NOP9: variants seen among roughly 807,000 people sequenced by gnomAD.
NOP9 encodes NOP9 nucleolar protein.
NOP9 carries 50 observed loss-of-function variants against 63.0 expected under a neutral mutation model. The ratio of observed to expected loss-of-function variants is 0.79; its 90% CI spans 0.63 to 1.00. The LOEUF (loss-of-function observed/expected upper bound fraction) is 1.00, where lower values mean the gene tolerates loss of function less well. NOP9 is among the 50% of genes least tolerant of loss of function. NOP9 has a pLI of 0.00. For missense variants in NOP9, 758 were observed against 803.0 expected (o/e 0.94, Z 0.68); for synonymous variants, 343 against 332.8 (o/e 1.03, Z -0.33).
chr14:24,288,856 T>G, the NOP9 span, among the ~76,000 whole-genome samples: 1 of 152,124 alleles, frequency 6.6e-6, no homozygotes, highest in African/African-American at 2.4e-5. Flanking sequence ...TTGTTTTTTG[T>G]TTTTTTGAGA....
In NOP9 at chr14:24,305,333, A is replaced by G. The variant is rs2041463368; in HGVS notation, c.*238A>G. On this transcript the variant is annotated 3_prime_UTR_variant, in exon 10 of 10. Coordinates refer to ENST00000267425, the MANE Select transcript of NOP9 (RefSeq NM_174913.3). ...GGACAGGAGGCATTGGTAGGGGATT[A>G]GATGTAGCAGCAGTCAGGCTGGGAT... 3 of 558,334 alleles carry G rather than the reference A, an allele frequency of 5.4e-6. No homozygotes were observed. The highest frequency in any genetic ancestry group is 1.9e-5 in the African/African-American group (1 of 52,468). 34.6% of individuals were successfully genotyped at this position (558,334 alleles called of 1,614,324 possible).
chr14:24,307,171 C>G lies in NOP9; in HGVS notation c.*2076C>G. 1 of 535,290 alleles carries G rather than the reference C, an allele frequency of 1.9e-6. No individual in the cohort carries two copies. The highest frequency in any genetic ancestry group is 3.3e-6 in the Non-Finnish European group (1 of 303,390). The allele number at this position is 535,290 out of a possible 1,614,324, so 33.2% of individuals were successfully genotyped here. A position where few individuals can be genotyped will look rare whatever the true frequency, so the allele number is the denominator to read the frequency against. ...GAACTCTCCCTATCTCCTGCTAACC[C>G]CTGCTCCCATAGAAAAGCTCACTCG... is the stretch of plus-strand genomic sequence containing the variant. On this transcript the variant is annotated 3_prime_UTR_variant, in exon 10 of 10. Transcript: ENST00000267425.
the NOP9 span, among the ~76,000 whole-genome samples, chr14:24,277,999 A>G: frequency 6.6e-6 from 1 of 152,188 alleles, no homozygotes; most frequent in Non-Finnish European, 1.5e-5. Flanking sequence ...CAGTGATAGC[A>G]GAGTTGAAGC....
At chr14:24,301,916 G>T in intron 3 of NOP9, 49 bp from the exon 4 acceptor site, 1 of 1,585,004 alleles carries the variant, frequency 6.3e-7, no homozygotes, top group South Asian at 1.1e-5. Flanking sequence ...GGTTACGCAG[G>T]TTGTCTGGAT....
chr14:24,290,964 G>A, the NOP9 span: 1 of 1,614,114 alleles, frequency 6.2e-7, no homozygotes, highest in Non-Finnish European at 8.5e-7. Context: ...AGAGAACAGA[G>A]CTCAAAGACA....
At chr14:24,280,953 G>A in the NOP9 span, among the ~76,000 whole-genome samples, 1 of 152,282 alleles carries the variant, frequency 6.6e-6, no homozygotes. Context: ...GCACCGGGAG[G>A]GAGTGGACAG....
the NOP9 span, among the ~76,000 whole-genome samples, chr14:24,273,017 T>C: frequency 6.6e-6 from 1 of 152,246 alleles, no homozygotes; most frequent in African/African-American, 2.4e-5. Context: ...CTGTGCCTAC[T>C]GCAAAGAAGG....
chr14:24,275,977 C>T, the NOP9 span, among the ~76,000 whole-genome samples: 14 of 152,312 alleles, frequency 9.2e-5, no homozygotes, highest in African/African-American at 1.4e-4. Context: ...TCATCTAACA[C>T]GGTTGACAGT....
the NOP9 span, among the ~76,000 whole-genome samples, chr14:24,289,926 C>G: frequency 3.3e-5 from 5 of 152,232 alleles, no homozygotes; most frequent in Admixed American, 6.5e-5. Flanking sequence ...GAAGCCTCAG[C>G]TCTCACTCTG....
chr14:24,292,484 C>A, the NOP9 span: 1 of 1,479,092 alleles, frequency 6.8e-7, no homozygotes, highest in East Asian at 2.4e-5. Context: ...GATGCCTACT[C>A]TAGCCAACCA....
rs1410150927 is a variant in NOP9 at position 24,306,333 on chromosome 14, A to G, written c.*1238A>G. ...AGAGAGGAAGCCCGGGAAAGCTCTA[A>G]AGGACAGGCATTGGAAGCAGCCCCA... On this transcript the variant is annotated 3_prime_UTR_variant, in exon 10 of 10. Transcript: ENST00000267425. 56 of 1,613,012 alleles carry G rather than the reference A, an allele frequency of 3.5e-5. No homozygotes were observed. The highest frequency in any genetic ancestry group is 4.2e-5 in the Non-Finnish European group (50 of 1,179,226).
chr14:24,305,191 T>TG lies in NOP9; in HGVS notation c.*98dup. 1 of 1,197,926 alleles carries TG rather than the reference T, an allele frequency of 8.3e-7. No individual in the cohort carries two copies. The highest frequency in any genetic ancestry group is 1.1e-6 in the Non-Finnish European group (1 of 903,150). 74.2% of individuals were successfully genotyped at this position (1,197,926 alleles called of 1,614,324 possible). ...TTTAAATTGGAGTCAGAAGTCTTAGTGGTAAATATTTGATATTTTTATTGG... is the reference window on the plus strand; with the variant it reads ...TTTAAATTGGAGTCAGAAGTCTTAGTGGGTAAATATTTGATATTTTTATTGG... On this transcript the variant is annotated 3_prime_UTR_variant, in exon 10 of 10. Transcript: ENST00000267425.
intron 1 of NOP9, 94 bp from the exon 2 acceptor site, chr14:24,300,314 C>A (rs2041346866): frequency 1.3e-6 from 2 of 1,551,434 alleles, no homozygotes. Context: ...TGTCCTCTTC[C>A]TCGGCCTCCG....
At chr14:24,299,134 T>C, upstream of NOP9, 1 of 1,602,290 alleles carries the variant, frequency 6.2e-7, no homozygotes, top group Non-Finnish European at 8.5e-7. Context: ...GGCAGGTCTG[T>C]GGAAGCAAAG....
At position 24,307,879 on chromosome 14, in the gene NOP9, C is replaced by T. The variant is rs1478921001; in HGVS notation, c.*2784C>T. ...TCCATGGTGGACCGGAGAGTTCCTT[C>T]CCTGGAACTTCTGGGCTGGGTGGTT... On this transcript the variant is annotated 3_prime_UTR_variant, in exon 10 of 10. Coordinates refer to ENST00000267425, the MANE Select transcript of NOP9 (RefSeq NM_174913.3). The T allele has an allele frequency of 1.9e-6, 3 of 1,577,282 alleles. No individual in the cohort carries two copies. The highest frequency in any genetic ancestry group is 2.6e-6 in the Non-Finnish European group (3 of 1,160,266).
chr14:24,301,883 G>A (rs1023249245), intron 3 of NOP9, 82 bp from the exon 4 acceptor site: 3 of 1,504,236 alleles, frequency 2.0e-6, no homozygotes, highest in Non-Finnish European at 2.7e-6. Context: ...ATAGTGCCCT[G>A]TATCTTGTTG....
In NOP9 at chr14:24,307,155, C is replaced by G. The variant is rs187334529; in HGVS notation, c.*2060C>G. On this transcript the variant is annotated 3_prime_UTR_variant, in exon 10 of 10. Transcript: ENST00000267425. ...CTGAATTCTGTCCCTCGAACTCTCC[C>G]TATCTCCTGCTAACCCCTGCTCCCA... The G allele has an allele frequency of 3.4e-5, 16 of 464,516 alleles. No homozygotes were observed. Among genetic ancestry groups the G allele is most frequent in the Admixed American group, 2.7e-4 (7 of 26,372 alleles). The allele number at this position is 464,516 out of a possible 1,614,324, so 28.8% of individuals were successfully genotyped here.
the NOP9 span, among the ~76,000 whole-genome samples, chr14:24,277,457 G>A: frequency 6.6e-6 from 1 of 152,166 alleles, no homozygotes; most frequent in African/African-American, 2.4e-5. Context: ...TTGATAGAGC[G>A]TGGTGAGGGC....
rs2041542903 is a variant in NOP9, at chr14:24,307,348, A to G, written c.*2253A>G. Reference sequence around the variant, plus strand: ...CCCCTTGGCTACCCCTGCTATAGGAACCGAGGAACTTGGCCTACTTACTTT... The same window carrying G: ...CCCCTTGGCTACCCCTGCTATAGGAGCCGAGGAACTTGGCCTACTTACTTT... On this transcript the variant is annotated 3_prime_UTR_variant, in exon 10 of 10. Coordinates refer to ENST00000267425, the MANE Select transcript of NOP9 (RefSeq NM_174913.3). The G allele has an allele frequency of 3.7e-6, 6 of 1,605,318 alleles. No homozygotes were observed. In the East Asian group the frequency reaches 1.3e-4, roughly 36 times the overall value.
Sources: gnomAD v4.1 joint callset for allele counts (sites outside exome capture counted in the v4.1 genomes callset) on GRCh38, gnomAD v4.1.1 for gene constraint, MANE v1.5 for transcripts, NCBI Gene and HGNC (gene_info 2026-07-23, HGNC 2026-07-21) for gene names.